The following TMPRSS4 variants were observed in gnomAD, a reference collection of about 807,000 sequenced individuals.
The protein encoded by TMPRSS4 is transmembrane serine protease 4.
TMPRSS4 carries 45 observed loss-of-function variants against 56.4 expected under a neutral mutation model. The ratio of observed to expected loss-of-function variants is 0.80; its 90% CI spans 0.63 to 1.02. TMPRSS4 has a LOEUF of 1.02. Among genes scored for constraint, TMPRSS4 ranks in the 50% least tolerant of loss-of-function variants. The pLI is 0.00. For missense variants in TMPRSS4, 546 were observed against 556.7 expected (o/e 0.98, Z 0.19); for synonymous variants, 205 against 211.0 (o/e 0.97, Z 0.25).
intron 6 of TMPRSS4, 124 bp from the exon 7 acceptor site, chr11:118,108,732 G>C: frequency 1.1e-6 from 1 of 877,634 alleles, no homozygotes; most frequent in Non-Finnish European, 1.8e-6. Flanking sequence ...GTTCCCCACT[G>C]TGCAGCTTCC....
At chr11:118,115,591 G>T (rs561202975) in intron 11 of TMPRSS4, 2 of 257,764 alleles carry the variant, frequency 7.8e-6, no homozygotes, top group Non-Finnish European at 7.7e-6. Flanking sequence ...AGGCTGAGGC[G>T]GGCAGGTGAT....
intron 1 of TMPRSS4, among the ~76,000 whole-genome samples, chr11:118,079,963 CT>C (rs2135199061): frequency 6.6e-6 from 1 of 152,304 alleles, no homozygotes; most frequent in East Asian, 1.9e-4. Flanking sequence ...CTCCTGGATC[CT>C]TTGCCACCTG....
downstream of TMPRSS4, chr11:118,125,330 G>T (rs1814777512): frequency 4.4e-6 from 2 of 456,586 alleles, no homozygotes; most frequent in South Asian, 1.5e-5. Context: ...ACTCCCCAGG[G>T]ACAGGTCTTG....
intron 1 of TMPRSS4, among the ~76,000 whole-genome samples, chr11:118,092,831 C>T (rs931946671): frequency 3.2e-4 from 49 of 152,336 alleles, no homozygotes; most frequent in African/African-American, 1.1e-3. Context: ...TCTCAGTCAT[C>T]ATTTTGCCAA....
At chr11:118,099,320 C>T in intron 3 of TMPRSS4, 1 of 442,794 alleles carries the variant, frequency 2.3e-6, no homozygotes, top group Non-Finnish European at 4.1e-6. Flanking sequence ...CCTTCACCCC[C>T]TCAGTAAGTG....
Position 118,077,198 on chromosome 11 carries a change from G to T in TMPRSS4, c.-105G>T. 6.8e-7 allele frequency: 1 copy of T among 1,481,054 alleles called. No individual in the cohort carries two copies. Among genetic ancestry groups the T allele is most frequent in the South Asian group, 1.2e-5 (1 of 81,162 alleles). 91.7% of individuals were successfully genotyped at this position (1,481,054 alleles called of 1,614,324 possible). On this transcript the variant is annotated 5_prime_UTR_variant, in exon 1 of 13. Coordinates refer to ENST00000437212, the MANE Select transcript of TMPRSS4 (RefSeq NM_019894.4). ...CAGCCAGTGCTGACCAGGGACTTCT[G>T]ACCTGCTGGCCAGCCAGGACCTGTG...
chr11:118,094,701 C>G, intron 1 of TMPRSS4, 115 bp from the exon 2 acceptor site: 1 of 882,716 alleles, frequency 1.1e-6, no homozygotes, highest in Non-Finnish European at 1.9e-6. Flanking sequence ...CACAGAGACC[C>G]CCAACGTAGA....
chr11:118,080,510 C>T (rs1445453936), intron 1 of TMPRSS4, among the ~76,000 whole-genome samples: 1 of 152,148 alleles, frequency 6.6e-6, no homozygotes, highest in Non-Finnish European at 1.5e-5. Context: ...CTGGGTGCTT[C>T]CCTGGAGAAG....
At chr11:118,106,557 T>A (rs943430682) in intron 5 of TMPRSS4, 1 of 151,958 alleles carries the variant, frequency 6.6e-6, no homozygotes, top group Non-Finnish European at 1.5e-5. Flanking sequence ...CCATCTCTGC[T>A]TACTGCAACC....
chr11:118,089,747 A>G (rs1023453219), intron 1 of TMPRSS4, among the ~76,000 whole-genome samples: 7 of 152,092 alleles, frequency 4.6e-5, no homozygotes, highest in Non-Finnish European at 8.8e-5. Flanking sequence ...TTCTTCCCAA[A>G]CCCCATATTC....
chr11:118,116,608 T>C (rs1278545763), intron 11 of TMPRSS4, among the ~76,000 whole-genome samples: 3 of 151,020 alleles, frequency 2.0e-5, no homozygotes, highest in African/African-American at 7.3e-5. Context: ...TTGTTTTTTT[T>C]CATCAGTTGG....
chr11:118,115,122 G>T lies in TMPRSS4; in HGVS notation c.1010-16G>T. 3.1e-6 allele frequency: 5 copies of T among 1,606,612 alleles called. No homozygotes were observed. The highest frequency in any genetic ancestry group is 1.7e-4 in the Middle Eastern group (1 of 6,058). ...AGAAGGCAAGGATGGGAATGTGAGT[G>T]TTTTTACCCTCCCAGGGAAGATGTC... On this transcript the variant is annotated splice_polypyrimidine_tract_variant and intron_variant, in intron 10 of 12. Transcript: ENST00000437212.
intron 1 of TMPRSS4, 55 bp from the exon 2 acceptor site, chr11:118,094,761 C>G (rs1946192024): frequency 6.5e-7 from 1 of 1,544,100 alleles, no homozygotes; most frequent in African/African-American, 1.3e-5. Flanking sequence ...CCGTAGGCTG[C>G]TAGCCCCAGC....
At position 118,107,857 on chromosome 11, in the gene TMPRSS4, G is replaced by A. The variant is rs144820624; in HGVS notation, c.524G>A (p.Arg175His). Residue 175 changes from arginine to histidine, a missense_variant, in exon 6 of 13, where the codon CGC becomes CAC. Arg to His is a conservative substitution (Grantham distance 29). Transcript: ENST00000437212. ...VEITENSQELRMRNSSGPCLS... is the reference protein window; with the variant it reads ...VEITENSQELHMRNSSGPCLS... Reference sequence around the variant, plus strand: ...ATCACAGAAAACAGCCAGGAGCTTCGCATGCGGAACTCAAGTGGGTAAGTG... The same window carrying A: ...ATCACAGAAAACAGCCAGGAGCTTCACATGCGGAACTCAAGTGGGTAAGTG... 172 of 1,613,926 alleles carry A rather than the reference G, an allele frequency of 1.1e-4. No individual in the cohort carries two copies. Among genetic ancestry groups the A allele is most frequent in the Non-Finnish European group, 1.4e-4 (165 of 1,180,002 alleles).
In TMPRSS4 at chr11:118,103,269, G is replaced by C. The variant is rs1289273963; in HGVS notation, c.310+16G>C. 1.9e-6 allele frequency: 3 copies of C among 1,607,454 alleles called. No homozygotes were observed. In the African/African-American group the frequency reaches 4.0e-5, roughly 21 times the overall value. On this transcript the variant is annotated intron_variant, in intron 4 of 12. Transcript: ENST00000437212. ...GCAGTGGCAGGTGAGTGCAGGGTCT[G>C]AGGCACAAGAGAAGTGGGCCCAGCA... is the stretch of plus-strand genomic sequence containing the variant.
At chr11:118,103,482 A>G (rs2135407875) in intron 4 of TMPRSS4, among the ~76,000 whole-genome samples, 1 of 152,262 alleles carries the variant, frequency 6.6e-6, no homozygotes, top group Non-Finnish European at 1.5e-5. Context: ...CCCAGTTTCA[A>G]GTGATTCTTC....
At chr11:118,116,129 G>GT (rs1222065160) in intron 11 of TMPRSS4, among the ~76,000 whole-genome samples, 1 of 152,028 alleles carries the variant, frequency 6.6e-6, no homozygotes, top group East Asian at 1.9e-4. Flanking sequence ...TTTCTTTTAT[G>GT]TTTTTTAACA....
At chr11:118,099,481 A>AAGAAAAAAAG (rs141362371) in intron 3 of TMPRSS4, among the ~76,000 whole-genome samples, 1 of 141,812 alleles carries the variant, frequency 7.1e-6, no homozygotes, top group Non-Finnish European at 1.5e-5. Context: ...GAAAGAAAGA[A>AAGAAAAAAAG]AAAGAAAGAA....
intron 1 of TMPRSS4, among the ~76,000 whole-genome samples, chr11:118,089,485 A>G (rs909110514): frequency 6.6e-6 from 1 of 151,980 alleles, no homozygotes; most frequent in Non-Finnish European, 1.5e-5. Flanking sequence ...TGGTCCATGC[A>G]GGGCCCATTT....
Sources: allele counts gnomAD v4.1 joint callset (sites outside exome capture counted in the v4.1 genomes callset), GRCh38; gene constraint gnomAD v4.1.1; transcripts MANE v1.5; gene names NCBI Gene and HGNC (gene_info 2026-07-23, HGNC 2026-07-21).